The following MB21D2 variants were observed in gnomAD, a reference collection of about 807,000 sequenced individuals.
MB21D2 encodes Mab-21 domain containing 2.
A neutral mutation model predicts 33.3 loss-of-function variants in MB21D2; 9 were observed. That is an observed-to-expected ratio of 0.27 (90% CI 0.16 to 0.47). The LOEUF (loss-of-function observed/expected upper bound fraction) is 0.47, where lower values mean the gene tolerates loss of function less well. Among genes scored for constraint, MB21D2 ranks in the 20% least tolerant of loss-of-function variants. MB21D2 has a pLI of 0.99. For missense variants in MB21D2, 540 were observed against 624.6 expected, an observed-to-expected ratio of 0.86 and a Z score of 1.44; for synonymous variants, 241 against 236.3, an observed-to-expected ratio of 1.02 and a Z score of -0.18.
At chr3:192,810,947 C>G (rs923177290) in intron 1 of MB21D2, among the ~76,000 whole-genome samples, 1 of 152,194 alleles carries the variant, frequency 6.6e-6, no homozygotes, top group Non-Finnish European at 1.5e-5. Context: ...CCCTGTGTCC[C>G]CAGCCCATCC....
intron 1 of MB21D2, among the ~76,000 whole-genome samples, chr3:192,900,414 C>T (rs556283770): frequency 1.3e-5 from 2 of 151,820 alleles, no homozygotes; most frequent in African/African-American, 2.4e-5. Context: ...AAAAAGAATA[C>T]GTTGTCATGA....
chr3:192,837,918 T>C (rs1432590924), intron 1 of MB21D2, among the ~76,000 whole-genome samples: 1 of 152,194 alleles, frequency 6.6e-6, no homozygotes, highest in East Asian at 1.9e-4. Flanking sequence ...ATTTCTACAT[T>C]AGTTTTCTAT....
intron 1 of MB21D2, among the ~76,000 whole-genome samples, chr3:192,839,616 C>G (rs1712525762): frequency 1.3e-5 from 2 of 152,110 alleles, no homozygotes; most frequent in Admixed American, 1.3e-4. Flanking sequence ...ATATATGTGT[C>G]TGTGTGTGTG....
chr3:192,869,340 AG>A, intron 1 of MB21D2, among the ~76,000 whole-genome samples: 1 of 147,120 alleles, frequency 6.8e-6, no homozygotes, highest in Non-Finnish European at 1.5e-5. Context: ...GAAGGAGGGA[AG>A]GGAGGAAGGG....
At chr3:192,906,419 T>C (rs1714216362) in intron 1 of MB21D2, among the ~76,000 whole-genome samples, 1 of 152,302 alleles carries the variant, frequency 6.6e-6, no homozygotes, top group South Asian at 2.1e-4. Flanking sequence ...TACCTCCTTA[T>C]GGAGACCAAA....
chr3:192,898,825 CA>C (rs1403214047), intron 1 of MB21D2, among the ~76,000 whole-genome samples: 4 of 152,018 alleles, frequency 2.6e-5, no homozygotes, highest in Non-Finnish European at 4.4e-5. Flanking sequence ...TAGGCTGGCC[CA>C]AAAGGCCTCC....
At chr3:192,909,296 C>T (rs1464133264) in intron 1 of MB21D2, among the ~76,000 whole-genome samples, 1 of 151,526 alleles carries the variant, frequency 6.6e-6, no homozygotes, top group African/African-American at 2.4e-5. Flanking sequence ...TAATAAATGC[C>T]TTTTTAAAGT....
intron 1 of MB21D2, 78 bp downstream of exon 1, chr3:192,917,552 G>A: frequency 1.3e-6 from 2 of 1,502,598 alleles, no homozygotes; most frequent in Non-Finnish European, 1.8e-6. Flanking sequence ...AAGAGGTCGA[G>A]AAGCGGCAAT....
chr3:192,874,261 T>C (rs1713381879), intron 1 of MB21D2, among the ~76,000 whole-genome samples: 1 of 152,162 alleles, frequency 6.6e-6, no homozygotes, highest in Non-Finnish European at 1.5e-5. Flanking sequence ...GCAAAAGTTG[T>C]ACCTCAGTAA....
chr3:192,883,800 C>T (rs1713662212), intron 1 of MB21D2, among the ~76,000 whole-genome samples: 3 of 152,102 alleles, frequency 2.0e-5, no homozygotes, highest in African/African-American at 7.3e-5. Context: ...GTTCCCTGAT[C>T]TGAGGCTTAA....
intron 1 of MB21D2, among the ~76,000 whole-genome samples, chr3:192,916,696 G>T (rs1441323141): frequency 2.0e-5 from 3 of 152,204 alleles, no homozygotes; most frequent in Non-Finnish European, 4.4e-5. Context: ...CACCTGGGGA[G>T]GGTGGGCTCG....
Position 192,880,194 on chromosome 3 carries a change from A to C in MB21D2, c.211+37436T>G, listed in dbSNP as rs537460915. The stretch of plus-strand genomic sequence containing the variant: ...CCTGTCTCTACTAAAAATACAAAAA[A>C]AAATTAGCCAGGCGTGGTGGTGGGC... On this transcript the variant is annotated intron_variant, in intron 1 of 1. Transcript: ENST00000392452. Among the ~76,000 whole-genome samples, 5 of 152,042 alleles carry C rather than the reference A, an allele frequency of 3.3e-5. No homozygotes were observed. The East Asian group carries it at 9.7e-4, about 29-fold the overall frequency.
chr3:192,886,385 T>G (rs1713733185), intron 1 of MB21D2, among the ~76,000 whole-genome samples: 1 of 152,062 alleles, frequency 6.6e-6, no homozygotes, highest in Non-Finnish European at 1.5e-5. Context: ...TTGACTAGTT[T>G]TCTTAAGGTA....
chr3:192,814,956 T>G (rs1003357855), intron 1 of MB21D2, among the ~76,000 whole-genome samples: 3 of 152,108 alleles, frequency 2.0e-5, no homozygotes, highest in Non-Finnish European at 4.4e-5. Flanking sequence ...GCTTCTTTCA[T>G]CTACTTTCCC....
chr3:192,866,645 T>C (rs987843518), intron 1 of MB21D2, among the ~76,000 whole-genome samples: 4 of 152,170 alleles, frequency 2.6e-5, no homozygotes, highest in Non-Finnish European at 5.9e-5. Context: ...CCTTAGGTCA[T>C]AAATGAATTC....
intron 1 of MB21D2, among the ~76,000 whole-genome samples, chr3:192,854,636 T>G (rs1440547647): frequency 6.6e-6 from 1 of 152,192 alleles, no homozygotes. Context: ...CAATGCAACT[T>G]CCATAGTTTG....
chr3:192,878,102 G>GTTTTTTTTT (rs1577193394), intron 1 of MB21D2, among the ~76,000 whole-genome samples: 3 of 63,236 alleles, frequency 4.7e-5, no homozygotes, highest in South Asian at 3.9e-4. Flanking sequence ...TTTTTTTTTT[G>GTTTTTTTTT]GTTTTTTTTG....
chr3:192,832,595 G>T (rs896585368), intron 1 of MB21D2, among the ~76,000 whole-genome samples: 1 of 152,186 alleles, frequency 6.6e-6, no homozygotes, highest in Non-Finnish European at 1.5e-5. Flanking sequence ...ATTGAGACCA[G>T]CCTGGCCAAC....
chr3:192,828,195 C>A (rs935481715), intron 1 of MB21D2, among the ~76,000 whole-genome samples: 2 of 152,070 alleles, frequency 1.3e-5, no homozygotes, highest in East Asian at 3.9e-4. Flanking sequence ...TGGACTAATA[C>A]GACGTTCTTT....
Sources: allele counts gnomAD v4.1 joint callset (sites outside exome capture counted in the v4.1 genomes callset), GRCh38; gene constraint gnomAD v4.1.1; transcripts MANE v1.5; gene names NCBI Gene and HGNC (gene_info 2026-07-23, HGNC 2026-07-21).